The following TMEM9B variants were observed in gnomAD, a reference collection of about 807,000 sequenced individuals.
TMEM9B encodes the protein transmembrane protein 9B.
In TMEM9B, 8 loss-of-function variants were observed where a neutral mutation model predicts 23.5. The observed-to-expected ratio is 0.34, with a 90% CI of 0.20 to 0.61. The LOEUF (loss-of-function observed/expected upper bound fraction) is 0.61, where lower values mean the gene tolerates loss of function less well. Among genes scored for constraint, TMEM9B ranks in the 20% least tolerant of loss-of-function variants. The probability of loss-of-function intolerance (pLI) is 0.78; values close to 1 mark genes in which losing one functional copy is unlikely to be tolerated. For synonymous variants in TMEM9B, 106 were observed against 96.3 expected, an observed-to-expected ratio of 1.10 and a Z score of -0.59; for missense variants, 197 against 252.3, an observed-to-expected ratio of 0.78 and a Z score of 1.49.
intron 4 of TMEM9B, among the ~76,000 whole-genome samples, chr11:8,949,602 G>A (rs565448560): frequency 3.6e-4 from 55 of 152,292 alleles, no homozygotes; most frequent in African/African-American, 1.3e-3. Context: ...TATATGGAAA[G>A]CTATATACAT....
intron 4 of TMEM9B, among the ~76,000 whole-genome samples, chr11:8,952,247 TATAC>T (rs772942989): frequency 1.9e-3 from 74 of 38,986 alleles, no homozygotes; most frequent in South Asian, 6.4e-3. Context: ...ATGCCAACTA[TATAC>T]ACACACACAC....
intron 4 of TMEM9B, among the ~76,000 whole-genome samples, chr11:8,950,808 T>C (rs1853860455): frequency 6.6e-6 from 1 of 152,150 alleles, no homozygotes; most frequent in Non-Finnish European, 1.5e-5. Flanking sequence ...TTTTATTTGC[T>C]TTAAAATGCT....
intron 1 of TMEM9B, chr11:8,963,959 G>C (rs930371835): frequency 1.9e-6 from 1 of 523,714 alleles, no homozygotes; most frequent in Non-Finnish European, 3.4e-6. Context: ...GCTGCTGTCC[G>C]GACTGTGGGC....
chr11:8,954,633 A>G (rs943718450), intron 3 of TMEM9B, among the ~76,000 whole-genome samples: 1 of 152,196 alleles, frequency 6.6e-6, no homozygotes, highest in East Asian at 1.9e-4. Flanking sequence ...AAATTTATAG[A>G]ATTGTATACT....
At chr11:8,956,439 T>A in intron 2 of TMEM9B, 141 bp from the exon 3 acceptor site, 1 of 622,838 alleles carries the variant, frequency 1.6e-6, no homozygotes, top group Non-Finnish European at 2.7e-6. Flanking sequence ...TAAGATAAAG[T>A]AAAATAATTT....
At chr11:8,952,921 T>C (rs1167494570) in intron 4 of TMEM9B, 3 of 569,532 alleles carry the variant, frequency 5.3e-6, no homozygotes, top group Non-Finnish European at 9.3e-6. Context: ...CTTTTCTCAA[T>C]GTAAACAGGG....
At chr11:8,952,013 G>A (rs1853885258) in intron 4 of TMEM9B, among the ~76,000 whole-genome samples, 1 of 151,998 alleles carries the variant, frequency 6.6e-6, no homozygotes, top group African/African-American at 2.4e-5. Flanking sequence ...GGAGGCTGAG[G>A]CAGGAGAATT....
intron 1 of TMEM9B, 161 bp downstream of exon 1, chr11:8,964,048 C>T (rs1325702107): frequency 1.6e-6 from 1 of 610,654 alleles, no homozygotes; most frequent in South Asian, 2.2e-5. Flanking sequence ...GCCGGGCAGT[C>T]GGGAGGGGCG....
chr11:8,952,802 T>A (rs909991594), intron 4 of TMEM9B: 2 of 351,794 alleles, frequency 5.7e-6, no homozygotes, highest in African/African-American at 4.2e-5. Context: ...AACATCATGA[T>A]CTTCACACTT....
At position 8,956,400 on chromosome 11, in the gene TMEM9B, A is replaced by G. The variant is rs548382892; in HGVS notation, c.198-102T>C. 1.1e-4 allele frequency: 85 copies of G among 757,886 alleles called. No homozygotes were observed. In the African/African-American group the frequency reaches 1.3e-3, roughly 11 times the overall value. 46.9% of individuals were successfully genotyped at this position (757,886 alleles called of 1,614,324 possible). On this transcript the variant is annotated intron_variant, in intron 2 of 4. Transcript: ENST00000534025. ...CTAGAATAATCACTAAACTTACCCA[A>G]TGAAAGAGCATAAAAAACAAATAAT...
intron 3 of TMEM9B, among the ~76,000 whole-genome samples, chr11:8,953,668 T>C (rs1017017577): frequency 3.3e-5 from 5 of 152,242 alleles, no homozygotes; most frequent in African/African-American, 4.8e-5. Context: ...AATTTAGATA[T>C]ACAAAAGTAT....
chr11:8,959,465 C>G (rs1854035714), intron 2 of TMEM9B, among the ~76,000 whole-genome samples: 1 of 152,236 alleles, frequency 6.6e-6, no homozygotes, highest in Non-Finnish European at 1.5e-5. Context: ...TACGTCAGTT[C>G]TTTACCTCTG....
Position 8,957,009 on chromosome 11 carries a change from C to T in TMEM9B, c.198-711G>A, listed in dbSNP as rs144550995. ...TGCCGGGATTACAGGTGTGAGCCACCGTGCCCAGCCAACATCATTCTTAAC... is the reference window on the plus strand; with the variant it reads ...TGCCGGGATTACAGGTGTGAGCCACTGTGCCCAGCCAACATCATTCTTAAC... On this transcript the variant is annotated intron_variant, in intron 2 of 4. Coordinates refer to ENST00000534025, the MANE Select transcript of TMEM9B (RefSeq NM_020644.3). This position sits in a 1 kb window ranked among gnomAD's most constrained non-coding sequence, Gnocchi z 4.3. Among the ~76,000 whole-genome samples, 451 of 152,224 alleles carry T rather than the reference C, an allele frequency of 3.0e-3. 1 individual carries two copies. The highest frequency in any genetic ancestry group is 0.01 in the African/African-American group (420 of 41,538).
At chr11:8,954,529 T>G (rs1589945661) in intron 3 of TMEM9B, among the ~76,000 whole-genome samples, 1 of 152,034 alleles carries the variant, frequency 6.6e-6, no homozygotes, top group Non-Finnish European at 1.5e-5. Context: ...CCTCAAGTGA[T>G]CCACCCGCCT....
chr11:8,952,298 T>A (rs540906253), intron 4 of TMEM9B, among the ~76,000 whole-genome samples: 38 of 136,418 alleles, frequency 2.8e-4, no homozygotes, highest in South Asian at 1.4e-3. Flanking sequence ...TATATATATA[T>A]AAACATATAT....
chr11:8,964,016 C>A (rs1206904078), intron 1 of TMEM9B, 193 bp downstream of exon 1: 3 of 535,098 alleles, frequency 5.6e-6, no homozygotes, highest in Non-Finnish European at 3.1e-6. Flanking sequence ...GCCAGGCTGT[C>A]GGGGCTGAGG....
chr11:8,953,083 C>T, intron 4 of TMEM9B, 120 bp downstream of exon 4: 1 of 1,246,300 alleles, frequency 8.0e-7, no homozygotes, highest in Non-Finnish European at 1.2e-6. Context: ...TTTTTAGCTT[C>T]TCTAGTTGAG....
intron 4 of TMEM9B, 134 bp from the exon 5 acceptor site, chr11:8,948,609 C>T (rs1853819535): frequency 2.0e-6 from 2 of 995,660 alleles, no homozygotes; most frequent in East Asian, 2.7e-5. Context: ...TTTAGCTAAG[C>T]ACTCCTAAGC....
chr11:8,954,465 T>G (rs1350327221), intron 3 of TMEM9B, among the ~76,000 whole-genome samples: 2 of 152,088 alleles, frequency 1.3e-5, no homozygotes, highest in Non-Finnish European at 2.9e-5. Flanking sequence ...ATTTTTATAT[T>G]TTTAGTAGAG....
Sources: gnomAD v4.1 joint callset for allele counts (sites outside exome capture counted in the v4.1 genomes callset) on GRCh38, gnomAD v4.1.1 for gene constraint, Gnocchi (gnomAD v3.1) non-coding constraint, MANE v1.5 for transcripts, NCBI Gene and HGNC (gene_info 2026-07-23, HGNC 2026-07-21) for gene names.